Variants in USP11 observed in about 807,000 individuals in gnomAD.
USP11 encodes ubiquitin specific peptidase 11.
USP11 carries 5 observed loss-of-function variants against 72.8 expected under a neutral mutation model. The ratio of observed to expected loss-of-function variants is 0.07; its 90% CI spans 0.04 to 0.14. The LOEUF is 0.14. Among genes scored for constraint, USP11 ranks in the 10% least tolerant of loss-of-function variants. The probability of loss-of-function intolerance (pLI) is 1.00; values close to 1 mark genes in which losing one functional copy is unlikely to be tolerated. For missense variants in USP11, 480 were observed against 794.7 expected (o/e 0.60, Z 4.76); for synonymous variants, 368 against 326.5 (o/e 1.13, Z -1.37).
chrX:47,233,493 C>T (rs2055355933), intron 1 of USP11: 1 of 985,462 alleles, frequency 1.0e-6, no homozygotes, highest in South Asian at 3.7e-5. Context: ...GAGGTGGGGC[C>T]GGGCCTGCGT....
intron 13 of USP11, 131 bp downstream of exon 13, chrX:47,243,733 C>G (rs765727930): frequency 9.0e-6 from 6 of 665,506 alleles, no homozygotes; most frequent in Non-Finnish European, 1.3e-5. Context: ...CATAGAAGAA[C>G]TTGTAGGGTT....
In USP11 at chrX:47,248,013, T is replaced by C. The variant is rs772045228; in HGVS notation, c.*83T>C. The C allele has an allele frequency of 4.9e-5, 54 of 1,110,339 alleles. No individual in the cohort carries two copies. In the East Asian group the frequency reaches 8.2e-4, roughly 17 times the overall value. The allele number at this position is 1,110,339 out of a possible 1,213,427, so 91.5% of individuals were successfully genotyped here. ...TCTCGTGTCCGCCCCGCTTCTCTTA[T>C]TCGTGTTAGGTGCCCCCGCCAGGCA... On this transcript the variant is annotated 3_prime_UTR_variant, in exon 21 of 21. Transcript: ENST00000377107.
rs755971100 is a variant in USP11 at position 47,239,366 on chromosome X, G to A, written c.302G>A (p.Arg101His). ...ATLFQDEINW[R>H]LKEGLVEGED... ...CGCCCCACAGATGAGATAAACTGGC[G>A]CCTCAAGGAGGGACTGGTGGAAGGC... The change falls in exon 3 of 21, where the codon CGC (arginine) becomes CAC (histidine). Residue 101 changes from arginine to histidine, a missense_variant. Arg to His is a conservative substitution (Grantham distance 29, BLOSUM62 0). This residue lies in a region of USP11 where 14 missense variants were observed against 46.4 expected (regional missense o/e 0.30). Coordinates refer to ENST00000377107, the MANE Select transcript of USP11 (RefSeq NM_001371072.1). 34 of 1,209,358 alleles carry A rather than the reference G, an allele frequency of 2.8e-5. No homozygotes were observed. Among genetic ancestry groups the A allele is most frequent in the East Asian group, 2.7e-4 (9 of 33,771 alleles).
chrX:47,241,087 C>G (rs2055400163), intron 7 of USP11, 190 bp from the exon 8 acceptor site: 2 of 561,853 alleles, frequency 3.6e-6, no homozygotes, highest in South Asian at 3.1e-5. Context: ...CTTCTCTTCC[C>G]TGTTCCCACG....
intron 17 of USP11, among the ~76,000 whole-genome samples, chrX:47,246,834 A>T (rs1053182670): frequency 9.0e-6 from 1 of 110,654 alleles, no homozygotes; most frequent in African/African-American, 3.3e-5. Flanking sequence ...CAGCCTGGCC[A>T]ACATGGTGAA....
Position 47,245,406 on chromosome X carries a change from A to C in USP11, c.2194A>C (p.Lys732Gln), listed in dbSNP as rs569469982. The C allele has an allele frequency of 4.1e-6, 5 of 1,211,806 alleles. No homozygotes were observed. In the South Asian group the frequency reaches 8.8e-5, roughly 21 times the overall value. ...VKHDCVGYVM[K>Q]KAPVRLQECI... is the part of the protein sequence containing the mutation. ...GCATGACTGCGTCGGGTACGTGATG[A>C]AGAAGGCTCCCGTGCGGCTGCAGGA... The change falls in exon 17 of 21, where the codon AAG (lysine) becomes CAG (glutamine). Residue 732 changes from lysine to glutamine, a missense_variant. By Grantham distance (53) the Lys-to-Gln change is moderately conservative (BLOSUM62 1). Coordinates refer to ENST00000377107, the MANE Select transcript of USP11 (RefSeq NM_001371072.1).
In USP11 at chrX:47,247,719, T is replaced by A. The variant is rs775375896; in HGVS notation, c.2625+20T>A. ...ATCGAGGTGTGACTTCCATCCTACC[T>A]CCTCCCCTTCTTCCTTTCTGATTCC... On this transcript the variant is annotated intron_variant, in intron 20 of 20. Transcript: ENST00000377107. The A allele has an allele frequency of 1.7e-6, 2 of 1,208,363 alleles. No homozygotes were observed. Among genetic ancestry groups the A allele is most frequent in the Non-Finnish European group, 1.1e-6 (1 of 893,954 alleles).
Position 47,245,395 on chromosome X carries a change from G to C in USP11, c.2183G>C (p.Gly728Ala). 8.3e-7 allele frequency: 1 copy of C among 1,211,301 alleles called. No individual in the cohort carries two copies. The highest frequency in any genetic ancestry group is 1.1e-6 in the Non-Finnish European group (1 of 895,069). ...GGCTACGTGAAGCATGACTGCGTCG[G>C]GTACGTGATGAAGAAGGCTCCCGTG... is the stretch of plus-strand genomic sequence containing the variant. ...AEGYVKHDCV[G>A]YVMKKAPVRL... Residue 728 changes from glycine (G) to alanine (A), a missense_variant, in exon 17 of 21, where the codon GGG becomes GCG. Gly to Ala is a moderately conservative substitution (Grantham distance 60). This residue lies in a region of USP11 where 314 missense variants were observed against 556.0 expected (regional missense o/e 0.56). Transcript: ENST00000377107.
chrX:47,241,477 A>AC, intron 8 of USP11, 27 bp downstream of exon 8: 1 of 1,191,158 alleles, frequency 8.4e-7, no homozygotes. Context: ...GGCACCCCCG[A>AC]CCCCCTACGT....
At chrX:47,241,020 G>A (rs1266871558) in intron 7 of USP11, 144 bp downstream of exon 7, 13 of 615,151 alleles carry the variant, frequency 2.1e-5, no homozygotes, top group Non-Finnish European at 3.2e-5. Flanking sequence ...GAAGTGGCAC[G>A]CCCACGTTCA....
intron 4 of USP11, 49 bp downstream of exon 4, chrX:47,239,956 C>A: frequency 8.9e-7 from 1 of 1,118,908 alleles, no homozygotes; most frequent in Non-Finnish European, 1.2e-6. Context: ...CTACTAGTCC[C>A]AACTCAGTGA....
intron 1 of USP11, chrX:47,233,655 C>T: frequency 1.7e-6 from 1 of 595,891 alleles, no homozygotes; most frequent in Non-Finnish European, 2.0e-6. Context: ...GTGACGTCAG[C>T]AGAAGAGCGG....
intron 3 of USP11, 151 bp downstream of exon 3, chrX:47,239,632 C>T: frequency 2.0e-6 from 2 of 990,875 alleles, no homozygotes; most frequent in Non-Finnish European, 2.8e-6. Flanking sequence ...TCTTTGTCTG[C>T]TGTGTGTGTT....
In USP11 at chrX:47,247,951, G is replaced by T; in HGVS notation, c.*21G>T. ...ATTGAGAGCCCTGGGTCCTGCCACA[G>T]AAAAAAAAAAAAAAAAGCCCTCTCT... On this transcript the variant is annotated 3_prime_UTR_variant, in exon 21 of 21. Coordinates refer to ENST00000377107, the MANE Select transcript of USP11 (RefSeq NM_001371072.1). The T allele has an allele frequency of 9.7e-7, 1 of 1,027,974 alleles. No individual in the cohort carries two copies. Among genetic ancestry groups the T allele is most frequent in the Non-Finnish European group, 1.2e-6 (1 of 800,610 alleles). The allele number at this position is 1,027,974 out of a possible 1,213,427, so 84.7% of individuals were successfully genotyped here. A position where few individuals can be genotyped will look rare whatever the true frequency, so the allele number is the denominator to read the frequency against.
At chrX:47,237,959 T>G (rs1454831504) in intron 1 of USP11, among the ~76,000 whole-genome samples, 1 of 111,165 alleles carries the variant, frequency 9.0e-6, no homozygotes, top group South Asian at 3.7e-4. Flanking sequence ...TCAGGATTTC[T>G]CACAAAGGTA....
Position 47,245,058 on chromosome X carries a change from A to G in USP11, c.2129A>G (p.Lys710Arg), listed in dbSNP as rs1212655922. 8.3e-7 allele frequency: 1 copy of G among 1,211,641 alleles called. No individual in the cohort carries two copies. The highest frequency in any genetic ancestry group is 1.1e-6 in the Non-Finnish European group (1 of 895,410). Residue 710 changes from lysine to arginine, a missense_variant, in exon 16 of 21, where the codon AAG becomes AGG. Lys to Arg is a conservative substitution (Grantham distance 26). Transcript: ENST00000377107. ...IAIDWEPEMK[K>R]RYYDEVEAEG... Reference sequence around the variant, plus strand: ...ATCGACTGGGAGCCAGAGATGAAGAAGCGTTACTATGACGAGGTAGAGGCT... The same window carrying G: ...ATCGACTGGGAGCCAGAGATGAAGAGGCGTTACTATGACGAGGTAGAGGCT...
intron 1 of USP11, among the ~76,000 whole-genome samples, chrX:47,234,405 G>C (rs1239936208): frequency 8.9e-6 from 1 of 111,922 alleles, no homozygotes; most frequent in Non-Finnish European, 1.9e-5. Context: ...TACTGTAAAA[G>C]GCAATGGAAA....
At chrX:47,242,328 G>A (rs2055407630) in intron 10 of USP11, 22 bp downstream of exon 10, 1 of 1,207,440 alleles carries the variant, frequency 8.3e-7, no homozygotes, top group African/African-American at 1.7e-5. Flanking sequence ...TGGGGGCCTG[G>A]GGAGATGATG....
Position 47,247,931 on chromosome X carries a change from G to C in USP11, c.*1G>C. ...CTCTGAGTTCATGGATGTTAATTGAGAGCCCTGGGTCCTGCCACAGAAAAA... is the reference window on the plus strand; with the variant it reads ...CTCTGAGTTCATGGATGTTAATTGACAGCCCTGGGTCCTGCCACAGAAAAA... On this transcript the variant is annotated 3_prime_UTR_variant, in exon 21 of 21. Transcript: ENST00000377107. The C allele has an allele frequency of 1.7e-6, 2 of 1,173,356 alleles. No homozygotes were observed. Among genetic ancestry groups the C allele is most frequent in the African/African-American group, 1.9e-5 (1 of 53,979 alleles).
Sources: gnomAD v4.1 joint callset for allele counts (sites outside exome capture counted in the v4.1 genomes callset) on GRCh38, gnomAD v4.1.1 for gene constraint, gnomAD v4.1.1 regional missense constraint, MANE v1.5 for transcripts, NCBI Gene and HGNC (gene_info 2026-07-23, HGNC 2026-07-21) for gene names.